NRG2: variants seen among roughly 807,000 people sequenced by gnomAD.
The protein encoded by NRG2 is pro-neuregulin-2, membrane-bound isoform.
NRG2 carries 27 observed loss-of-function variants against 73.9 expected under a neutral mutation model. The ratio of observed to expected loss-of-function variants is 0.37; its 90% CI spans 0.27 to 0.50. NRG2 has a LOEUF of 0.50. Ranked by LOEUF, NRG2 falls within the 20% of genes least tolerant of loss-of-function variation. NRG2 has a pLI of 0.96. For missense variants in NRG2, 1,126 were observed against 1,210.1 expected, an observed-to-expected ratio of 0.93 and a Z score of 1.03; for synonymous variants, 532 against 541.0, an observed-to-expected ratio of 0.98 and a Z score of 0.23.
At chr5:140,000,764 A>G (rs1333519597) in intron 1 of NRG2, among the ~76,000 whole-genome samples, 1 of 152,306 alleles carries the variant, frequency 6.6e-6, no homozygotes, top group East Asian at 1.9e-4. Flanking sequence ...TGGAAGCTGA[A>G]GGCAGTGGGC....
Position 140,037,907 on chromosome 5 carries a change from C to CAA in NRG2, c.700+4461_700+4462dup, listed in dbSNP as rs748112690. ...TGGGCGACAGAGCAAGACTCCATCT[C>CAA]AAAAAAAAAAAAAAAAAAAAGACTG... On this transcript the variant is annotated intron_variant, in intron 1 of 9. Transcript: ENST00000361474. Among the ~76,000 whole-genome samples, 286 of 58,942 alleles carry CAA rather than the reference C, an allele frequency of 4.9e-3. 4 individuals carry two copies. Among genetic ancestry groups the CAA allele is most frequent in the African/African-American group, 0.016 (237 of 14,754 alleles). The allele number at this position is 58,942 out of a possible 152,430, so 38.7% of individuals were successfully genotyped here.
intron 1 of NRG2, among the ~76,000 whole-genome samples, chr5:140,037,443 G>T (rs1580999358): frequency 6.6e-6 from 1 of 152,148 alleles, no homozygotes; most frequent in African/African-American, 2.4e-5. Flanking sequence ...AAGGTATTGA[G>T]GAGAAAAGAG....
chr5:139,917,280 C>T (rs1434073434), intron 1 of NRG2, among the ~76,000 whole-genome samples: 1 of 152,078 alleles, frequency 6.6e-6, no homozygotes, highest in Non-Finnish European at 1.5e-5. Flanking sequence ...GAGACAAGGT[C>T]TCACTCTGTC....
At chr5:140,038,865 T>C (rs978474987) in intron 1 of NRG2, among the ~76,000 whole-genome samples, 1 of 152,232 alleles carries the variant, frequency 6.6e-6, no homozygotes, top group African/African-American at 2.4e-5. Flanking sequence ...CAGTTTCTAA[T>C]CTAGTTTCAC....
chr5:140,011,945 C>T (rs1361861279), intron 1 of NRG2, among the ~76,000 whole-genome samples: 1 of 152,192 alleles, frequency 6.6e-6, no homozygotes, highest in African/African-American at 2.4e-5. Flanking sequence ...CTATACCTCT[C>T]CCATTGCACA....
intron 1 of NRG2, among the ~76,000 whole-genome samples, chr5:140,030,155 C>G (rs2126688214): frequency 6.6e-6 from 1 of 152,272 alleles, no homozygotes; most frequent in East Asian, 1.9e-4. Flanking sequence ...ACACTCACTC[C>G]TACTCTGGAA....
rs185675736 is a variant in NRG2, at chr5:139,890,074, T to C, written c.701-2563A>G. Among the ~76,000 whole-genome samples the C allele has an allele frequency of 8.9e-4, 135 of 152,198 alleles. 1 individual carries two copies. The highest frequency in any genetic ancestry group is 2.8e-3 in the African/African-American group (114 of 41,454). ...ATTGCCAAATTGCCCTTTGGAAAGG[T>C]TGCACCAATTTGCGCTCCCCCCAGT... On this transcript the variant is annotated intron_variant, in intron 1 of 9. Coordinates refer to ENST00000361474, the MANE Select transcript of NRG2 (RefSeq NM_004883.3).
chr5:140,035,073 A>G (rs1761407402), intron 1 of NRG2, among the ~76,000 whole-genome samples: 1 of 152,084 alleles, frequency 6.6e-6, no homozygotes, highest in Non-Finnish European at 1.5e-5. Context: ...AAAGGAAGAC[A>G]ATATCACCCT....
At chr5:139,867,774 G>C (rs1466065698) in intron 4 of NRG2, among the ~76,000 whole-genome samples, 13 of 127,186 alleles carry the variant, frequency 1.0e-4, no homozygotes, top group African/African-American at 3.0e-4. Context: ...GTGTGTGTGT[G>C]TGTGTGTGTG....
chr5:139,938,148 C>T (rs7705835), intron 1 of NRG2, among the ~76,000 whole-genome samples: 23,300 of 152,056 alleles, frequency 0.15, 1,994 homozygotes, highest in South Asian at 0.25. Context: ...AATGGAAATA[C>T]GTGTTCATGG....
intron 1 of NRG2, among the ~76,000 whole-genome samples, chr5:139,938,880 GAAGGAA>G (rs1190365479): frequency 3.8e-5 from 3 of 77,924 alleles, no homozygotes; most frequent in Non-Finnish European, 6.8e-5. Flanking sequence ...GAGAGAGAGA[GAAGGAA>G]AGAAAGAAAG....
chr5:139,926,717 T>G (rs1580748365), intron 1 of NRG2, among the ~76,000 whole-genome samples: 1 of 152,328 alleles, frequency 6.6e-6, no homozygotes, highest in East Asian at 1.9e-4. Flanking sequence ...CCAAAGGTGA[T>G]GCATGAATGT....
chr5:140,007,865 CCT>C (rs1315723575), intron 1 of NRG2, among the ~76,000 whole-genome samples: 1 of 152,218 alleles, frequency 6.6e-6, no homozygotes, highest in African/African-American at 2.4e-5. Flanking sequence ...TTGGCCCAAA[CCT>C]TGTCCCTTAA....
chr5:139,938,367 T>A (rs1753003879), intron 1 of NRG2, among the ~76,000 whole-genome samples: 1 of 151,948 alleles, frequency 6.6e-6, no homozygotes, highest in Non-Finnish European at 1.5e-5. Context: ...CAATACTTTT[T>A]TTTTTTTGAG....
At chr5:139,978,155 G>C (rs1756517930) in intron 1 of NRG2, among the ~76,000 whole-genome samples, 1 of 152,126 alleles carries the variant, frequency 6.6e-6, no homozygotes, top group Admixed American at 6.6e-5. Context: ...GAGGGAACAG[G>C]CAACCTACAG....
intron 2 of NRG2, among the ~76,000 whole-genome samples, chr5:139,882,942 A>C (rs868526341): frequency 1.4e-4 from 21 of 152,080 alleles, no homozygotes; most frequent in African/African-American, 4.8e-4. Context: ...AATGACCCTG[A>C]GGCTTGCTGC....
chr5:139,871,964 A>T lies in NRG2; in HGVS notation c.992-123T>A, dbSNP rs1762882762. 4 of 1,356,344 alleles carry T rather than the reference A, an allele frequency of 2.9e-6. No homozygotes were observed. In the Admixed American group the frequency reaches 8.9e-5, roughly 30 times the overall value. The allele number at this position is 1,356,344 out of a possible 1,614,324, so 84.0% of individuals were successfully genotyped here. ...CCAGAGGCTGCAGGAATGACTGGGG[A>T]GGGGAGGTCTGGTGGTCCCTTCTAG... On this transcript the variant is annotated intron_variant, in intron 3 of 9. Transcript: ENST00000361474.
rs1346025912 is a variant in NRG2, at chr5:139,847,735, T to C, written c.*182A>G. 9.6e-6 allele frequency: 4 copies of C among 418,326 alleles called. No individual in the cohort carries two copies. Among genetic ancestry groups the C allele is most frequent in the African/African-American group, 8.2e-5 (4 of 48,490 alleles). The allele number at this position is 418,326 out of a possible 1,614,324, so 25.9% of individuals were successfully genotyped here. A position where few individuals can be genotyped will look rare whatever the true frequency, so the allele number is the denominator to read the frequency against. On this transcript the variant is annotated 3_prime_UTR_variant, in exon 10 of 10. Transcript: ENST00000361474. ...TTTCCCTATAAAAACGCCTTTGCCG[T>C]TAGCTAGTATTATAAGACAATTTTT... is the stretch of plus-strand genomic sequence containing the variant.
intron 1 of NRG2, among the ~76,000 whole-genome samples, chr5:140,013,860 C>A (rs1208435166): frequency 6.6e-6 from 1 of 152,218 alleles, no homozygotes; most frequent in Non-Finnish European, 1.5e-5. Context: ...CTTCACTCAT[C>A]TTCCAGGTCA....
Sources: gnomAD v4.1 joint callset for allele counts (sites outside exome capture counted in the v4.1 genomes callset) on GRCh38, gnomAD v4.1.1 for gene constraint, MANE v1.5 for transcripts, NCBI Gene and HGNC (gene_info 2026-07-23, HGNC 2026-07-21) for gene names.